INSYN1: variants seen among roughly 807,000 people sequenced by gnomAD.
INSYN1 encodes inhibitory synaptic factor 1.
In INSYN1, 7 loss-of-function variants were observed where a neutral mutation model predicts 17.1. The ratio of observed to expected loss-of-function variants is 0.41; its 90% CI spans 0.23 to 0.77. The LOEUF is 0.77. Ranked by LOEUF, INSYN1 falls within the 30% of genes least tolerant of loss-of-function variation. The probability of loss-of-function intolerance (pLI) is 0.32; values close to 1 mark genes in which losing one functional copy is unlikely to be tolerated. For missense variants in INSYN1, 339 were observed against 400.6 expected (o/e 0.85, Z 1.31); for synonymous variants, 174 against 166.3 (o/e 1.05, Z -0.36).
At chr15:73,747,119 T>A (rs2141470413) in intron 2 of INSYN1, among the ~76,000 whole-genome samples, 1 of 152,304 alleles carries the variant, frequency 6.6e-6, no homozygotes, top group Middle Eastern at 3.4e-3. Context: ...TGAACCTGCA[T>A]ATGCCAAGCA....
chr15:73,744,768 T>G (rs1194991441), intron 2 of INSYN1, among the ~76,000 whole-genome samples: 2 of 151,806 alleles, frequency 1.3e-5, no homozygotes, highest in African/African-American at 2.4e-5. Flanking sequence ...AGAGAGAAAT[T>G]GAACCATAAA....
rs1902042197 is a variant in INSYN1, at chr15:73,753,218, C to G, written c.-1676G>C. Among the ~76,000 whole-genome samples the G allele has an allele frequency of 2.1e-5, 3 of 145,156 alleles. No homozygotes were observed. Among genetic ancestry groups the G allele is most frequent in the African/African-American group, 7.4e-5 (3 of 40,610 alleles). ...CTCCCCAAGCGCCGCGGCGCCGCGCCGCCCGCGCCCCGGCCGCCCCCGGCC... is the reference window on the plus strand; with the variant it reads ...CTCCCCAAGCGCCGCGGCGCCGCGCGGCCCGCGCCCCGGCCGCCCCCGGCC... On this transcript the variant is annotated 5_prime_UTR_variant, in exon 1 of 3. Coordinates refer to ENST00000569673, the MANE Select transcript of INSYN1 (RefSeq NM_001039614.3). The surrounding 1 kb of genome is among the most constrained non-coding windows in gnomAD (Gnocchi z 4.2).
At chr15:73,748,244 G>A (rs1416380916) in intron 2 of INSYN1, among the ~76,000 whole-genome samples, 1 of 152,198 alleles carries the variant, frequency 6.6e-6, no homozygotes, top group African/African-American at 2.4e-5. Context: ...ATGCTCGAGA[G>A]GATGAGGAGA....
At chr15:73,748,303 G>A (rs933910122) in intron 2 of INSYN1, among the ~76,000 whole-genome samples, 1 of 152,156 alleles carries the variant, frequency 6.6e-6, no homozygotes, top group Non-Finnish European at 1.5e-5. Flanking sequence ...GGAGCAGCAG[G>A]CAGAGGAGGA....
chr15:73,749,846 C>G (rs1465942802), intron 2 of INSYN1, among the ~76,000 whole-genome samples: 5 of 152,184 alleles, frequency 3.3e-5, no homozygotes, highest in African/African-American at 1.2e-4. Context: ...TCTATGCCCA[C>G]TCCCTATCCC....
Position 73,752,485 on chromosome 15 carries a change from C to T in INSYN1, c.-943G>A, listed in dbSNP as rs990365820. Reference sequence around the variant, plus strand: ...GAGGGCTGGGAGGGCGCCGGGATCCCCTCAGCCCACGCCCGGCATTCCCCG... The same window carrying T: ...GAGGGCTGGGAGGGCGCCGGGATCCTCTCAGCCCACGCCCGGCATTCCCCG... On this transcript the variant is annotated 5_prime_UTR_variant, in exon 1 of 3. Coordinates refer to ENST00000569673, the MANE Select transcript of INSYN1 (RefSeq NM_001039614.3). This position sits in a 1 kb window ranked among gnomAD's most constrained non-coding sequence, Gnocchi z 5.2. 1 of 152,234 alleles carries T rather than the reference C, an allele frequency of 6.6e-6. No homozygotes were observed. Among genetic ancestry groups the T allele is most frequent in the Non-Finnish European group, 1.5e-5 (1 of 68,134 alleles). The allele number at this position is 152,234 out of a possible 1,614,324, so 9.4% of individuals were successfully genotyped here. A position where few individuals can be genotyped will look rare whatever the true frequency, so the allele number is the denominator to read the frequency against.
Position 73,740,577 on chromosome 15 carries a change from G to C in INSYN1, c.222C>G (p.Thr74=). 1 of 1,614,016 alleles carries C rather than the reference G, an allele frequency of 6.2e-7. No homozygotes were observed. Residue 74 remains threonine (T), a synonymous_variant, in exon 3 of 3, where the codon ACC becomes ACG. Transcript: ENST00000569673. ...FDFELEPDDW[T]TATVSSTSSS... ...TAGAGGTGCTGCTCACAGTGGCCGT[G>C]GTCCAGTCGTCCGGCTCCAGTTCAA...
intron 2 of INSYN1, among the ~76,000 whole-genome samples, chr15:73,748,508 G>A (rs1901896838): frequency 6.6e-6 from 1 of 152,134 alleles, no homozygotes; most frequent in Non-Finnish European, 1.5e-5. Flanking sequence ...TGAGGTGAGG[G>A]AACAAGTGAG....
chr15:73,749,246 G>T (rs1002872082), intron 2 of INSYN1, among the ~76,000 whole-genome samples: 2 of 152,288 alleles, frequency 1.3e-5, no homozygotes, highest in Middle Eastern at 3.4e-3. Flanking sequence ...TCAGGAACCC[G>T]AGTTCTAGGC....
intron 2 of INSYN1, among the ~76,000 whole-genome samples, chr15:73,746,021 C>A (rs1268955222): frequency 6.7e-6 from 1 of 148,188 alleles, no homozygotes; most frequent in Non-Finnish European, 1.5e-5. Flanking sequence ...GCATCCTGTA[C>A]CCCCGGACCC....
chr15:73,747,428 G>A (rs1030802745), intron 2 of INSYN1, among the ~76,000 whole-genome samples: 12 of 152,214 alleles, frequency 7.9e-5, no homozygotes, highest in African/African-American at 2.2e-4. Flanking sequence ...AAGGCCGTAC[G>A]TGGAGCTGAG....
rs747982250 is a variant in INSYN1, at chr15:73,751,176, G to T, written c.-46C>A. ...GCCTGCCCATACTCCCCCCAGCTGG[G>T]CACACACTGCGTCTGCCTCCACGGA... On this transcript the variant is annotated 5_prime_UTR_variant, in exon 2 of 3. Coordinates refer to ENST00000569673, the MANE Select transcript of INSYN1 (RefSeq NM_001039614.3). 4 of 1,605,574 alleles carry T rather than the reference G, an allele frequency of 2.5e-6. No individual in the cohort carries two copies. The African/African-American group carries it at 4.0e-5, about 16-fold the overall frequency.
At chr15:73,742,219 C>A (rs1901708856) in intron 2 of INSYN1, among the ~76,000 whole-genome samples, 1 of 152,178 alleles carries the variant, frequency 6.6e-6, no homozygotes, top group Non-Finnish European at 1.5e-5. Context: ...TCCAGAAGAG[C>A]TGGAGGAATC....
chr15:73,750,640 G>A (rs1363585983), intron 2 of INSYN1, among the ~76,000 whole-genome samples: 2 of 152,146 alleles, frequency 1.3e-5, no homozygotes, highest in Non-Finnish European at 2.9e-5. Context: ...GTCAGCTTGG[G>A]TCCCAGAAGG....
At position 73,740,516 on chromosome 15, in the gene INSYN1, G is replaced by A. The variant is rs760254376; in HGVS notation, c.283C>T (p.Leu95=). 9.9e-6 allele frequency: 16 copies of A among 1,614,078 alleles called. No individual in the cohort carries two copies. The highest frequency in any genetic ancestry group is 1.1e-5 in the Non-Finnish European group (13 of 1,180,030). The change falls in exon 3 of 3, where the codon CTG becomes TTG. Residue 95 remains leucine (L), a synonymous_variant. Transcript: ENST00000569673. The part of the protein sequence containing the change: ...DKAGMGGPFD[L]GHLDFMTADI... ...GCTGTCATGAAGTCCAGGTGGCCCA[G>A]GTCAAAGGGGCCACCCATGCCCGCC...
At chr15:73,750,916 T>G in intron 2 of INSYN1, 59 bp downstream of exon 2, 1 of 1,596,314 alleles carries the variant, frequency 6.3e-7, no homozygotes, top group Non-Finnish European at 8.6e-7. Context: ...TACGTTTTTG[T>G]GCCAAACCCA....
intron 2 of INSYN1, among the ~76,000 whole-genome samples, chr15:73,741,332 T>G (rs973521710): frequency 1.2e-4 from 18 of 152,174 alleles, no homozygotes; most frequent in Admixed American, 2.0e-4. Context: ...CCTGGCTTGT[T>G]GAGAGAAGGA....
intron 2 of INSYN1, among the ~76,000 whole-genome samples, chr15:73,744,201 T>G (rs1314525851): frequency 6.6e-6 from 1 of 152,158 alleles, no homozygotes; most frequent in East Asian, 1.9e-4. Flanking sequence ...TGGGAATTAG[T>G]TCTGCACCAA....
chr15:73,746,015 C>A lies in INSYN1; in HGVS notation c.156+4960G>T, dbSNP rs576479923. 1.8e-3 allele frequency among the ~76,000 whole-genome samples: 268 copies of A among 151,192 alleles called. 1 individual carries two copies. Among genetic ancestry groups the A allele is most frequent in the African/African-American group, 5.7e-3 (234 of 40,796 alleles). ...GGACCTGTAGTCCCAGAACCAGCATCCTGTACCCCCGGACCCCCCACCACA... is the reference window on the plus strand; with the variant it reads ...GGACCTGTAGTCCCAGAACCAGCATACTGTACCCCCGGACCCCCCACCACA... On this transcript the variant is annotated intron_variant, in intron 2 of 2. Transcript: ENST00000569673.
Sources: allele counts gnomAD v4.1 joint callset (sites outside exome capture counted in the v4.1 genomes callset), GRCh38; gene constraint gnomAD v4.1.1; non-coding constraint Gnocchi (gnomAD v3.1); transcripts MANE v1.5; gene names NCBI Gene and HGNC (gene_info 2026-07-23, HGNC 2026-07-21).